The following AKIRIN1 variants were observed in gnomAD, a reference collection of about 807,000 sequenced individuals.
AKIRIN1 encodes the protein akirin 1.
A neutral mutation model predicts 25.9 loss-of-function variants in AKIRIN1; 4 were observed. That is an observed-to-expected ratio of 0.15 (90% confidence interval 0.08 to 0.35). AKIRIN1 has a LOEUF of 0.35. Ranked by LOEUF, AKIRIN1 falls within the 10% of genes least tolerant of loss-of-function variation. The probability of loss-of-function intolerance (pLI) is 1.00; values close to 1 mark genes in which losing one functional copy is unlikely to be tolerated. For synonymous variants in AKIRIN1, 125 were observed against 105.1 expected, an observed-to-expected ratio of 1.19 and a Z score of -1.16; for missense variants, 243 against 266.1, an observed-to-expected ratio of 0.91 and a Z score of 0.61.
intron 3 of AKIRIN1, 97 bp downstream of exon 3, chr1:39,001,203 A>G: frequency 7.1e-7 from 1 of 1,417,464 alleles, no homozygotes; most frequent in South Asian, 1.5e-5. Context: ...GACCTCATGC[A>G]AGGGAGTTTA....
chr1:39,003,930 T>C (rs547560988), intron 4 of AKIRIN1, 115 bp from the exon 5 acceptor site: 29 of 825,130 alleles, frequency 3.5e-5, no homozygotes, highest in Admixed American at 5.3e-5. Context: ...ATCTTTTAAG[T>C]GGTGAGTCAT....
chr1:39,001,159 AACACC>A, intron 3 of AKIRIN1, 53 bp downstream of exon 3: 1 of 1,545,856 alleles, frequency 6.5e-7, no homozygotes, highest in Non-Finnish European at 8.7e-7. Flanking sequence ...GTTAAAAATT[AACACC>A]AGTTAAATAA....
At chr1:38,992,781 C>T (rs1230193709) in intron 1 of AKIRIN1, among the ~76,000 whole-genome samples, 1 of 152,092 alleles carries the variant, frequency 6.6e-6, no homozygotes, top group African/African-American at 2.4e-5. Flanking sequence ...CTTTTTCCCC[C>T]AGACCCACCG....
chr1:38,997,700 G>A (rs1643957549), intron 1 of AKIRIN1, among the ~76,000 whole-genome samples: 1 of 152,070 alleles, frequency 6.6e-6, no homozygotes. Context: ...TGGGACAAGA[G>A]CTTCCTTGTT....
intron 1 of AKIRIN1, among the ~76,000 whole-genome samples, chr1:38,994,235 T>A (rs1643930356): frequency 1.3e-5 from 2 of 152,190 alleles, no homozygotes; most frequent in Admixed American, 1.3e-4. Context: ...AATTGGTAAG[T>A]ATAATGCAAC....
At chr1:39,001,870 T>TATTGTC (rs11282999) in intron 3 of AKIRIN1, among the ~76,000 whole-genome samples, 145,005 of 152,026 alleles carry the variant, frequency 0.95, 69,208 homozygotes, top group Middle Eastern at 0.97. Flanking sequence ...AAGAGTTCAG[T>TATTGTC]AACATATTCA....
chr1:39,005,323 A>G lies in AKIRIN1; in HGVS notation c.*1268A>G, dbSNP rs80030342. 1.4e-5 allele frequency: 2 copies of G among 147,976 alleles called. No homozygotes were observed. The highest frequency in any genetic ancestry group is 6.7e-5 in the Admixed American group (1 of 14,876). 9.2% of individuals were successfully genotyped at this position (147,976 alleles called of 1,614,324 possible). ...ACTTCGTCTCAAAAAAAAAAAAAAA[A>G]CATAGAATTTGGATCCTTTGGTCGG... On this transcript the variant is annotated 3_prime_UTR_variant, in exon 5 of 5. Transcript: ENST00000432648.
At chr1:38,991,667 GGAGGGTT>G in intron 1 of AKIRIN1, 67 bp downstream of exon 1, 2 of 892,406 alleles carry the variant, frequency 2.2e-6, no homozygotes, top group Non-Finnish European at 2.9e-6. Context: ...GGGTGGTGGG[GGAGGGTT>G]GGGAATACCA....
Position 38,994,672 on chromosome 1 carries a change from ATTTTTTTTTTTTTTTTTTT to A in AKIRIN1, c.220+3088_220+3106del, listed in dbSNP as rs10528399. 4.1e-3 allele frequency among the ~76,000 whole-genome samples: 258 copies of A among 63,580 alleles called. 2 individuals carry two copies. The highest frequency in any genetic ancestry group is 0.018 in the African/African-American group (220 of 12,220). The allele number at this position is 63,580 out of a possible 152,430, so 41.7% of individuals were successfully genotyped here. ...AGGCATGTGTCACTACGCTCGGCTA[ATTTTTTTTTTTTTTTTTTT>A]TTTTTTTTTTTTTTTGAGATGACGT... On this transcript the variant is annotated intron_variant, in intron 1 of 4. Coordinates refer to ENST00000432648, the MANE Select transcript of AKIRIN1 (RefSeq NM_024595.3).
chr1:38,994,672 A>ATTTTTTTTTTTTTTTTTTTTTTTTTTTTT (rs10528399), intron 1 of AKIRIN1, among the ~76,000 whole-genome samples: 3 of 63,554 alleles, frequency 4.7e-5, no homozygotes, highest in Admixed American at 2.3e-4. Context: ...CGCTCGGCTA[A>ATTTTTTTTTTTTTTTTTTTTTTTTTTTTT]TTTTTTTTTT....
At chr1:38,992,476 C>T (rs1224790058) in intron 1 of AKIRIN1, among the ~76,000 whole-genome samples, 1 of 152,122 alleles carries the variant, frequency 6.6e-6, no homozygotes, top group East Asian at 1.9e-4. Flanking sequence ...GTGTGTTTTT[C>T]TATTCCTCAA....
At chr1:39,000,345 CTTTTTTTTT>C (rs3078308) in intron 2 of AKIRIN1, among the ~76,000 whole-genome samples, 1 of 128,316 alleles carries the variant, frequency 7.8e-6, no homozygotes, top group Non-Finnish European at 1.6e-5. Context: ...TTTTCTTTTT[CTTTTTTTTT>C]TTTTTTTTGA....
In AKIRIN1 at chr1:39,004,376, G is replaced by A; in HGVS notation, c.*321G>A. Reference sequence around the variant, plus strand: ...ATGGAGTTTCCCCAAGCACAGTTCTGTAAGAAGTGCGTGTGAGAGTGTGTG... The same window carrying A: ...ATGGAGTTTCCCCAAGCACAGTTCTATAAGAAGTGCGTGTGAGAGTGTGTG... On this transcript the variant is annotated 3_prime_UTR_variant, in exon 5 of 5. Transcript: ENST00000432648. 2.0e-6 allele frequency: 1 copy of A among 510,342 alleles called. No individual in the cohort carries two copies. Among genetic ancestry groups the A allele is most frequent in the Non-Finnish European group, 3.6e-6 (1 of 279,668 alleles). The allele number at this position is 510,342 out of a possible 1,614,324, so 31.6% of individuals were successfully genotyped here.
chr1:38,994,706 TGA>T (rs1643934681), intron 1 of AKIRIN1, among the ~76,000 whole-genome samples: 7 of 87,890 alleles, frequency 8.0e-5, no homozygotes, highest in Admixed American at 6.5e-4. Flanking sequence ...TTTTTTTTTT[TGA>T]GATGACGTTT....
At chr1:38,998,761 C>G (rs1044483418) in intron 2 of AKIRIN1, among the ~76,000 whole-genome samples, 2 of 151,910 alleles carry the variant, frequency 1.3e-5, no homozygotes, top group African/African-American at 4.8e-5. Flanking sequence ...AAAAAATTAG[C>G]CAGGCATGGT....
chr1:39,001,148 A>G, intron 3 of AKIRIN1, 42 bp downstream of exon 3: 6 of 1,562,958 alleles, frequency 3.8e-6, no homozygotes, highest in Non-Finnish European at 5.2e-6. Flanking sequence ...AACAGGGTTC[A>G]GTTAAAAATT....
In AKIRIN1 at chr1:39,004,436, G is replaced by T; in HGVS notation, c.*381G>T. ...GTATGTGTATTTTAAGTTATTATTT[G>T]TATTGTGCAAAAATTTTTTTTTGAT... On this transcript the variant is annotated 3_prime_UTR_variant, in exon 5 of 5. Coordinates refer to ENST00000432648, the MANE Select transcript of AKIRIN1 (RefSeq NM_024595.3). 2 of 297,060 alleles carry T rather than the reference G, an allele frequency of 6.7e-6. No homozygotes were observed. The highest frequency in any genetic ancestry group is 6.4e-6 in the Non-Finnish European group (1 of 155,150). The allele number at this position is 297,060 out of a possible 1,614,324, so 18.4% of individuals were successfully genotyped here.
intron 1 of AKIRIN1, among the ~76,000 whole-genome samples, chr1:38,992,310 C>T (rs974632742): frequency 6.6e-6 from 1 of 152,128 alleles, no homozygotes; most frequent in African/African-American, 2.4e-5. Flanking sequence ...GTAAGGCGTT[C>T]CACTTTGTCC....
At position 38,991,708 on chromosome 1, in the gene AKIRIN1, TCTTTGCCTTGAG is replaced by T. The variant is rs945632097; in HGVS notation, c.220+109_220+120del. 1.1e-5 allele frequency: 13 copies of T among 1,156,646 alleles called. No individual in the cohort carries two copies. The Admixed American group carries it at 3.0e-4, about 27-fold the overall frequency. 71.6% of individuals were successfully genotyped at this position (1,156,646 alleles called of 1,614,324 possible). On this transcript the variant is annotated intron_variant, in intron 1 of 4. Transcript: ENST00000432648. ...CAGGCCAGTTTACCCAGGGACCCCT[TCTTTGCCTTGAG>T]AAAAGGGAACTGGGATGCCGCTGGG...
Sources: allele counts gnomAD v4.1 joint callset (sites outside exome capture counted in the v4.1 genomes callset), GRCh38; gene constraint gnomAD v4.1.1; transcripts MANE v1.5; gene names NCBI Gene and HGNC (gene_info 2026-07-23, HGNC 2026-07-21).